TYW3: variants seen among roughly 807,000 people sequenced by gnomAD.
TYW3 encodes tRNA wybutosine-synthesizing protein 3 homolog.
A neutral mutation model predicts 23.1 loss-of-function variants in TYW3; 26 were observed. The observed-to-expected ratio is 1.13, with a 90% CI of 0.83 to 1.56. The LOEUF is 1.56. Among genes scored for constraint, TYW3 ranks in the 40% most tolerant of loss-of-function variants. The pLI, the probability that TYW3 is intolerant of heterozygous loss-of-function variation, is 0.00. For synonymous variants in TYW3, 102 were observed against 105.7 expected, an observed-to-expected ratio of 0.97 and a Z score of 0.21; for missense variants, 316 against 311.9, an observed-to-expected ratio of 1.01 and a Z score of -0.10.
chr1:74,760,739 G>A (rs1026800119), intron 5 of TYW3, among the ~76,000 whole-genome samples: 8 of 152,208 alleles, frequency 5.3e-5, no homozygotes, highest in African/African-American at 1.9e-4. Context: ...GAAAATGCTA[G>A]TTAAAATCTA....
chr1:74,747,629 T>C (rs1474833375), intron 3 of TYW3, among the ~76,000 whole-genome samples: 4 of 133,838 alleles, frequency 3.0e-5, no homozygotes, highest in Non-Finnish European at 4.6e-5. Flanking sequence ...AGAGCGAGAC[T>C]CCGTCTCAAA....
intron 5 of TYW3, among the ~76,000 whole-genome samples, chr1:74,757,581 A>T (rs1293653688): frequency 6.6e-6 from 1 of 152,164 alleles, no homozygotes; most frequent in East Asian, 1.9e-4. Context: ...GGAAATAACT[A>T]ACTTGCTTTT....
chr1:74,752,338 G>A lies in TYW3; in HGVS notation c.473G>A (p.Gly158Glu), dbSNP rs752230290. 2.5e-6 allele frequency: 4 copies of A among 1,613,284 alleles called. No individual in the cohort carries two copies. The highest frequency in any genetic ancestry group is 3.4e-6 in the Non-Finnish European group (4 of 1,179,626). ...TTAGAAGTTCCATTAAGCCATAAGG[G>A]AAAACTGATGGTGACAGAGGAATAT... ...HGLEVPLSHK[G>E]KLMVTEEYID... The change falls in exon 5 of 6, where the codon GGA becomes GAA. Residue 158 changes from glycine (G) to glutamate (E), a missense_variant. Gly to Glu is a moderately conservative substitution (Grantham distance 98, BLOSUM62 -2). Transcript: ENST00000370867.
At chr1:74,746,365 A>C (rs993146791) in intron 3 of TYW3, among the ~76,000 whole-genome samples, 1 of 152,150 alleles carries the variant, frequency 6.6e-6, no homozygotes, top group Admixed American at 6.5e-5. Context: ...CTGAACTTTT[A>C]TCTAACCTTA....
chr1:74,748,657 T>G, intron 3 of TYW3, 94 bp from the exon 4 acceptor site: 1 of 1,292,602 alleles, frequency 7.7e-7, no homozygotes, highest in Non-Finnish European at 1.1e-6. Flanking sequence ...CTTAATAGCT[T>G]TTAGGGTTAT....
At chr1:74,734,090 T>C (rs933564718) in intron 1 of TYW3, 1 of 152,164 alleles carries the variant, frequency 6.6e-6, no homozygotes, top group Non-Finnish European at 1.5e-5. Flanking sequence ...AAGAAGCAGC[T>C]GTACAAGCCA....
intron 5 of TYW3, among the ~76,000 whole-genome samples, chr1:74,759,679 T>C (rs1649071202): frequency 6.6e-6 from 1 of 152,208 alleles, no homozygotes; most frequent in Non-Finnish European, 1.5e-5. Flanking sequence ...AGGATCTCAC[T>C]GTCACCCAGG....
chr1:74,744,098 G>A (rs1363849969), intron 3 of TYW3, among the ~76,000 whole-genome samples: 1 of 152,116 alleles, frequency 6.6e-6, no homozygotes. Context: ...TTTCCTTCTG[G>A]GAGGGGGAGA....
At chr1:74,738,147 A>G (rs565208443) in intron 2 of TYW3, among the ~76,000 whole-genome samples, 2 of 152,124 alleles carry the variant, frequency 1.3e-5, no homozygotes, top group South Asian at 4.1e-4. Flanking sequence ...TGCAATTGTT[A>G]CAACAACTGT....
Position 74,766,237 on chromosome 1 carries a change from T to TATCA in TYW3, c.*2125_*2128dup, listed in dbSNP as rs1405897124. 1.3e-5 allele frequency: 2 copies of TATCA among 152,158 alleles called. No homozygotes were observed. The highest frequency in any genetic ancestry group is 4.8e-5 in the African/African-American group (2 of 41,462). 9.4% of individuals were successfully genotyped at this position (152,158 alleles called of 1,614,324 possible). ...TGGTTTGTGTCTTTGCTATGCTTTT[T>TATCA]ATCATTATTTTAGGGTATACTACTT... On this transcript the variant is annotated 3_prime_UTR_variant, in exon 6 of 6. Transcript: ENST00000370867.
chr1:74,755,601 C>T lies in TYW3; in HGVS notation c.560+3176C>T, dbSNP rs1015388111. Among the ~76,000 whole-genome samples the T allele has an allele frequency of 3.9e-5, 6 of 152,228 alleles. No homozygotes were observed. In the South Asian group the frequency reaches 1.0e-3, roughly 26 times the overall value. ...GTCAATGGACATTTAAGGTGTCTTT[C>T]CCTTTTAGCTATTATAAATGCTGCT... is the stretch of plus-strand genomic sequence containing the variant. On this transcript the variant is annotated intron_variant, in intron 5 of 5. Transcript: ENST00000370867.
intron 3 of TYW3, among the ~76,000 whole-genome samples, chr1:74,743,600 C>T (rs1011812727): frequency 4.6e-5 from 7 of 152,094 alleles, no homozygotes; most frequent in Non-Finnish European, 7.4e-5. Flanking sequence ...AATTCATGGG[C>T]TTTTTCCTAA....
At chr1:74,737,675 T>C (rs1195281460) in intron 2 of TYW3, among the ~76,000 whole-genome samples, 1 of 152,174 alleles carries the variant, frequency 6.6e-6, no homozygotes, top group Non-Finnish European at 1.5e-5. Context: ...ATTACATGTT[T>C]CACTAGGTGG....
intron 1 of TYW3, among the ~76,000 whole-genome samples, chr1:74,734,915 G>A (rs1386349909): frequency 1.3e-5 from 2 of 152,200 alleles, no homozygotes; most frequent in Non-Finnish European, 2.9e-5. Context: ...ACAGCACATT[G>A]TTAGGCTCAT....
rs1414550314 is a variant in TYW3, at chr1:74,748,767, A to C, written c.371A>C (p.Asp124Ala). ...DAQILHSMAI[D>A]SGFRNSGITV... ...TTCTTACAGCATTCCATGGCAATAG[A>C]TTCTGGTTTCAGGAACTCTGGCATA... is the stretch of plus-strand genomic sequence containing the variant. Residue 124 changes from aspartate (D) to alanine (A), a missense_variant, in exon 4 of 6, where the codon GAT (aspartate) becomes GCT (alanine). Physicochemically the swap from Asp to Ala is moderately radical, Grantham distance 126. Transcript: ENST00000370867. 1.2e-6 allele frequency: 2 copies of C among 1,614,102 alleles called. No homozygotes were observed. Among genetic ancestry groups the C allele is most frequent in the East Asian group, 4.5e-5 (2 of 44,856 alleles).
intron 3 of TYW3, among the ~76,000 whole-genome samples, chr1:74,739,870 A>T (rs1007269418): frequency 6.6e-6 from 1 of 152,194 alleles, no homozygotes; most frequent in African/African-American, 2.4e-5. Context: ...TAGATTCAAT[A>T]TGTATTTCAG....
intron 1 of TYW3, among the ~76,000 whole-genome samples, chr1:74,735,011 C>T (rs75347019): frequency 0.03 from 4,538 of 152,230 alleles, 226 homozygotes; most frequent in African/African-American, 0.1. Flanking sequence ...CTTCCATCAC[C>T]TTCAGAGCAA....
rs1370836941 is a variant in TYW3, at chr1:74,743,067, T to C, written c.354+4279T>C. 2.0e-5 allele frequency among the ~76,000 whole-genome samples: 3 copies of C among 152,334 alleles called. No individual in the cohort carries two copies. The East Asian group carries it at 5.8e-4, about 29-fold the overall frequency. ...GTTGGGTCAGCTGGTTGGGGGCTTCTGGCTCAGAGAACGTTTGTTCTCTGG... is the reference window on the plus strand; with the variant it reads ...GTTGGGTCAGCTGGTTGGGGGCTTCCGGCTCAGAGAACGTTTGTTCTCTGG... On this transcript the variant is annotated intron_variant, in intron 3 of 5. Coordinates refer to ENST00000370867, the MANE Select transcript of TYW3 (RefSeq NM_138467.3).
intron 3 of TYW3, among the ~76,000 whole-genome samples, chr1:74,741,106 G>A (rs1648342554): frequency 6.6e-6 from 1 of 152,194 alleles, no homozygotes; most frequent in South Asian, 2.1e-4. Context: ...TGTTAGTTGA[G>A]CTCGTTTGGC....
Sources: allele counts gnomAD v4.1 joint callset (sites outside exome capture counted in the v4.1 genomes callset), GRCh38; gene constraint gnomAD v4.1.1; transcripts MANE v1.5; gene names NCBI Gene and HGNC (gene_info 2026-07-23, HGNC 2026-07-21).